ODR4: variants seen among roughly 807,000 people sequenced by gnomAD.
The protein encoded by ODR4 is odr-4 GPCR localization factor homolog.
A neutral mutation model predicts 60.2 loss-of-function variants in ODR4; 47 were observed. The observed-to-expected ratio is 0.78, with a 90% CI of 0.62 to 1.00. ODR4 has a LOEUF of 1.00. ODR4 is among the 50% of genes least tolerant of loss of function. The pLI, the probability that ODR4 is intolerant of heterozygous loss-of-function variation, is 0.00. For synonymous variants in ODR4, 178 were observed against 175.5 expected (o/e 1.01, Z -0.11); for missense variants, 488 against 530.8 (o/e 0.92, Z 0.79).
intron 11 of ODR4, chr1:186,401,348 AGAGCATAGACT>A: frequency 1.9e-6 from 1 of 539,488 alleles, no homozygotes; most frequent in Non-Finnish European, 3.3e-6. Flanking sequence ...ACCTGTGTGA[AGAGCATAGACT>A]GTAGTTTGGT....
At chr1:186,409,692 C>A (rs573888963) in intron 12 of ODR4, among the ~76,000 whole-genome samples, 1 of 151,990 alleles carries the variant, frequency 6.6e-6, no homozygotes, top group Non-Finnish European at 1.5e-5. Context: ...ATTACAGGTG[C>A]GTGCCACCAA....
the ODR4 span, among the ~76,000 whole-genome samples, chr1:186,433,454 G>A: frequency 1.3e-5 from 2 of 151,854 alleles, no homozygotes; most frequent in Non-Finnish European, 2.9e-5. Flanking sequence ...TTGCATTGTG[G>A]TCCTAAAGAG....
intron 6 of ODR4, among the ~76,000 whole-genome samples, chr1:186,390,050 C>G (rs1185038616): frequency 6.6e-6 from 1 of 152,140 alleles, no homozygotes; most frequent in African/African-American, 2.4e-5. Context: ...AAGTGATCTG[C>G]CTGTCTTCGC....
rs201723992 is a variant in ODR4 at position 186,383,071 on chromosome 1, A to G, written c.149A>G (p.Lys50Arg). 476 of 1,575,334 alleles carry G rather than the reference A, an allele frequency of 3.0e-4. No individual in the cohort carries two copies. The highest frequency in any genetic ancestry group is 2.5e-3 in the Middle Eastern group (15 of 6,014). Reference protein sequence around the residue: ...YVILATRTPPKEEQSENLKHP... With the variant: ...YVILATRTPPREEQSENLKHP... ...ATTCTTGCCACTAGAACGCCACCCA[A>G]AGAGGAGCAAAGTGAGAACCTCAAA... is the stretch of plus-strand genomic sequence containing the variant. Residue 50 changes from lysine (K) to arginine (R), a missense_variant, in exon 3 of 14, where the codon AAA (lysine) becomes AGA (arginine). Lys to Arg is a conservative substitution (Grantham distance 26, BLOSUM62 2). Transcript: ENST00000287859.
chr1:186,410,430 T>C (rs1176995296), intron 12 of ODR4, among the ~76,000 whole-genome samples: 1 of 152,214 alleles, frequency 6.6e-6, no homozygotes, highest in Admixed American at 6.5e-5. Context: ...TGTCTCTTTA[T>C]CAGATGTTTA....
At chr1:186,401,061 C>T (rs1443166530) in intron 11 of ODR4, 1 of 1,596,040 alleles carries the variant, frequency 6.3e-7, no homozygotes, top group Non-Finnish European at 8.6e-7. Context: ...GATGTATCCA[C>T]CATTATTGTT....
intron 2 of ODR4, among the ~76,000 whole-genome samples, chr1:186,382,424 C>CTAAA (rs1051757125): frequency 6.6e-6 from 1 of 151,474 alleles, no homozygotes; most frequent in Non-Finnish European, 1.5e-5. Context: ...GACCCTGTCT[C>CTAAA]TAAATAAATA....
chr1:186,398,419 C>A lies in ODR4; in HGVS notation c.887C>A (p.Pro296His). The stretch of plus-strand genomic sequence containing the variant: ...AGAGCTTATATCCACAGCAGTAAAC[C>A]CAAAGTTAAAGATGCTGTGCAGGTA... ...KCRAYIHSSK[P>H]KVKDAVQAVK... Residue 296 changes from proline to histidine, a missense_variant, in exon 10 of 14, where the codon CCC becomes CAC. Coordinates refer to ENST00000287859, the MANE Select transcript of ODR4 (RefSeq NM_017847.6). 2 of 1,605,084 alleles carry A rather than the reference C, an allele frequency of 1.2e-6. No homozygotes were observed. Among genetic ancestry groups the A allele is most frequent in the Non-Finnish European group, 1.7e-6 (2 of 1,175,048 alleles).
rs1404169715 is a variant in ODR4 at position 186,420,708 on chromosome 1, CCAGTGAG to C, written c.*1640_*1646del. On this transcript the variant is annotated 3_prime_UTR_variant, in exon 14 of 14. Transcript: ENST00000287859. Reference sequence around the variant, plus strand: ...TATAAGCTGGATCTAAAGAAATTACCCAGTGAGCAGTGAGGAGAAACAAGGAGCTAGA... The same window carrying C: ...TATAAGCTGGATCTAAAGAAATTACCCAGTGAGGAGAAACAAGGAGCTAGA... 1 of 151,920 alleles carries C rather than the reference CCAGTGAG, an allele frequency of 6.6e-6. No homozygotes were observed. Among genetic ancestry groups the C allele is most frequent in the Non-Finnish European group, 1.5e-5 (1 of 67,990 alleles). The allele number at this position is 151,920 out of a possible 1,614,324, so 9.4% of individuals were successfully genotyped here.
intron 4 of ODR4, among the ~76,000 whole-genome samples, chr1:186,388,092 T>C (rs1194025923): frequency 1.2e-4 from 19 of 152,222 alleles, no homozygotes; most frequent in African/African-American, 4.6e-4. Flanking sequence ...AGTTAATCTC[T>C]AATGATAGTG....
At chr1:186,392,542 C>T (rs1660507892) in intron 8 of ODR4, among the ~76,000 whole-genome samples, 1 of 152,170 alleles carries the variant, frequency 6.6e-6, no homozygotes, top group African/African-American at 2.4e-5. Flanking sequence ...AGGGGCCAGG[C>T]ATGGTGGCTC....
chr1:186,408,555 C>G (rs1237981324), intron 12 of ODR4, among the ~76,000 whole-genome samples: 1 of 149,022 alleles, frequency 6.7e-6, no homozygotes, highest in Non-Finnish European at 1.5e-5. Flanking sequence ...CATACATAAA[C>G]ATGTAATATA....
intron 9 of ODR4, 131 bp downstream of exon 9, chr1:186,394,146 A>G: frequency 1.7e-6 from 1 of 587,332 alleles, no homozygotes; most frequent in Non-Finnish European, 3.0e-6. Flanking sequence ...ATGGCTGGTT[A>G]TAGGAAGGTT....
In ODR4 at chr1:186,385,623, C is replaced by T. The variant is rs144771240; in HGVS notation, c.235-365C>T. Among the ~76,000 whole-genome samples the T allele has an allele frequency of 2.8e-3, 432 of 152,042 alleles. 7 individuals carry two copies. Among genetic ancestry groups the T allele is most frequent in the Admixed American group, 0.022 (329 of 15,250 alleles). ...ATGTGTATGGAAAACAGTTTATAGCCTCATTTGACACTACTTTTCAAGTAG... is the reference window on the plus strand; with the variant it reads ...ATGTGTATGGAAAACAGTTTATAGCTTCATTTGACACTACTTTTCAAGTAG... On this transcript the variant is annotated intron_variant, in intron 3 of 13. Transcript: ENST00000287859.
At chr1:186,432,101 T>C in the ODR4 span, among the ~76,000 whole-genome samples, 2 of 152,252 alleles carry the variant, frequency 1.3e-5, no homozygotes, top group African/African-American at 2.4e-5. Flanking sequence ...GCTTCTCATA[T>C]ATGGCTTGGA....
intron 3 of ODR4, among the ~76,000 whole-genome samples, chr1:186,385,209 A>G (rs1660208088): frequency 6.6e-6 from 1 of 151,428 alleles, no homozygotes; most frequent in Admixed American, 6.6e-5. Flanking sequence ...AAAGATGCCC[A>G]GTATCAGTAA....
At chr1:186,396,933 C>T (rs1228776671) in intron 9 of ODR4, among the ~76,000 whole-genome samples, 1 of 152,088 alleles carries the variant, frequency 6.6e-6, no homozygotes, top group Non-Finnish European at 1.5e-5. Flanking sequence ...ACTCCTCCTC[C>T]AACCCCACCT....
the ODR4 span, among the ~76,000 whole-genome samples, chr1:186,426,758 T>TC: frequency 3.3e-5 from 5 of 152,230 alleles, no homozygotes; most frequent in African/African-American, 1.2e-4. Flanking sequence ...TTAGTATATG[T>TC]CAAAAAAAGA....
At chr1:186,383,289 G>A in intron 3 of ODR4, 133 bp downstream of exon 3, 1 of 994,178 alleles carries the variant, frequency 1.0e-6, no homozygotes, top group South Asian at 1.8e-5. Context: ...TTTTTAGTCT[G>A]GGTGTCTAGG....
Sources: allele counts gnomAD v4.1 joint callset (sites outside exome capture counted in the v4.1 genomes callset), GRCh38; gene constraint gnomAD v4.1.1; transcripts MANE v1.5; gene names NCBI Gene and HGNC (gene_info 2026-07-23, HGNC 2026-07-21).